ZBTB8A: variants seen among roughly 807,000 people sequenced by gnomAD.
The protein encoded by ZBTB8A is zinc finger and BTB domain containing 8A.
ZBTB8A carries 19 observed loss-of-function variants against 37.8 expected under a neutral mutation model. That is an observed-to-expected ratio of 0.50 (90% CI 0.35 to 0.74). ZBTB8A has a LOEUF of 0.74. Ranked by LOEUF, ZBTB8A falls within the 30% of genes least tolerant of loss-of-function variation. The pLI is 0.01. For missense variants in ZBTB8A, 394 were observed against 537.8 expected, an observed-to-expected ratio of 0.73 and a Z score of 2.65; for synonymous variants, 181 against 185.2, an observed-to-expected ratio of 0.98 and a Z score of 0.19.
rs1174885227 is a variant in ZBTB8A at position 32,604,052 on chromosome 1, T to G, written c.*3633T>G. ...TATAATCTGTTTAAATAAGCTTTATTTATGCCAAGGATTTTTTTTTTAATA... is the reference window on the plus strand; with the variant it reads ...TATAATCTGTTTAAATAAGCTTTATGTATGCCAAGGATTTTTTTTTTAATA... On this transcript the variant is annotated 3_prime_UTR_variant, in exon 5 of 5. Transcript: ENST00000373510. 4 of 152,092 alleles carry G rather than the reference T, an allele frequency of 2.6e-5. No individual in the cohort carries two copies. Among genetic ancestry groups the G allele is most frequent in the African/African-American group, 9.7e-5 (4 of 41,356 alleles). The allele number at this position is 152,092 out of a possible 1,614,324, so 9.4% of individuals were successfully genotyped here. A position where few individuals can be genotyped will look rare whatever the true frequency, so the allele number is the denominator to read the frequency against.
At chr1:32,584,534 TAG>T (rs1323997592) in intron 2 of ZBTB8A, among the ~76,000 whole-genome samples, 1 of 142,786 alleles carries the variant, frequency 7.0e-6, no homozygotes, top group African/African-American at 2.6e-5. Context: ...TTTTTTGAGA[TAG>T]AGTCTGTCAT....
chr1:32,543,521 C>T (rs1185682190), intron 1 of ZBTB8A, among the ~76,000 whole-genome samples: 2 of 152,124 alleles, frequency 1.3e-5, no homozygotes, highest in Non-Finnish European at 2.9e-5. Flanking sequence ...TAAAGAAACC[C>T]CATGCCTGTT....
chr1:32,544,660 G>C (rs1374346941), intron 1 of ZBTB8A, among the ~76,000 whole-genome samples: 1 of 152,210 alleles, frequency 6.6e-6, no homozygotes, highest in Non-Finnish European at 1.5e-5. Flanking sequence ...TGGTGCTACT[G>C]CACTCCAGCC....
At chr1:32,564,265 C>T (rs1644263789) in intron 2 of ZBTB8A, among the ~76,000 whole-genome samples, 1 of 152,118 alleles carries the variant, frequency 6.6e-6, no homozygotes, top group Admixed American at 6.6e-5. Flanking sequence ...GGTATTTTAC[C>T]ATTTTTACTC....
chr1:32,562,510 A>T (rs1644251131), intron 2 of ZBTB8A, among the ~76,000 whole-genome samples: 1 of 146,668 alleles, frequency 6.8e-6, no homozygotes, highest in Non-Finnish European at 1.5e-5. Context: ...ACCTCAGGTG[A>T]TCCGCCTGCC....
chr1:32,573,567 G>A (rs927072808), intron 2 of ZBTB8A, among the ~76,000 whole-genome samples: 2 of 149,606 alleles, frequency 1.3e-5, no homozygotes, highest in Non-Finnish European at 3.0e-5. Context: ...CAAATAGCTG[G>A]GACTACAGGC....
chr1:32,593,018 A>T lies in ZBTB8A; in HGVS notation c.87A>T (p.Leu29=). ...ATGTATTTTGTGACTGCAGTATTCT[A>T]GTTGAAGGGAAGGTCTTCAAAGCAC... ...RQDVFCDCSI[L]VEGKVFKAHR... The change falls in exon 3 of 5, where the codon CTA becomes CTT. Residue 29 remains leucine (L), a synonymous_variant. Coordinates refer to ENST00000373510, the MANE Select transcript of ZBTB8A (RefSeq NM_001040441.3). 1.2e-6 allele frequency: 2 copies of T among 1,614,226 alleles called. No homozygotes were observed. The highest frequency in any genetic ancestry group is 1.1e-5 in the South Asian group (1 of 91,088).
chr1:32,590,122 G>T lies in ZBTB8A; in HGVS notation c.-1-2809G>T, dbSNP rs545071090. On this transcript the variant is annotated intron_variant, in intron 2 of 4. Coordinates refer to ENST00000373510, the MANE Select transcript of ZBTB8A (RefSeq NM_001040441.3). ...ATTATTTATTTATTTTTATAGAGAT[G>T]GGGATCTTACCATGTTGCCCAGGCT... is the stretch of plus-strand genomic sequence containing the variant. Among the ~76,000 whole-genome samples the T allele has an allele frequency of 3.3e-5, 5 of 151,052 alleles. No homozygotes were observed. The South Asian group carries it at 1.1e-3, about 32-fold the overall frequency.
intron 4 of ZBTB8A, among the ~76,000 whole-genome samples, chr1:32,595,850 G>T (rs1037236829): frequency 2.0e-5 from 3 of 151,586 alleles, no homozygotes; most frequent in Admixed American, 2.0e-4. Context: ...TAGAGATGGG[G>T]TTTCATCATG....
At chr1:32,548,650 A>C (rs980841515) in intron 1 of ZBTB8A, among the ~76,000 whole-genome samples, 6 of 152,194 alleles carry the variant, frequency 3.9e-5, no homozygotes, top group African/African-American at 1.4e-4. Context: ...TGTATAAGAC[A>C]AGAAAATGTG....
chr1:32,565,457 C>T (rs958189830), intron 2 of ZBTB8A, among the ~76,000 whole-genome samples: 2 of 152,008 alleles, frequency 1.3e-5, no homozygotes, highest in African/African-American at 4.8e-5. Flanking sequence ...AGTTAAAGAT[C>T]AACCTGAGCA....
chr1:32,570,902 G>GTC (rs1644317953), intron 2 of ZBTB8A, among the ~76,000 whole-genome samples: 3 of 149,866 alleles, frequency 2.0e-5, no homozygotes, highest in Admixed American at 6.7e-5. Context: ...TTAAGACTGA[G>GTC]TCTCGCTCTG....
At chr1:32,580,916 C>G (rs1259873583) in intron 2 of ZBTB8A, among the ~76,000 whole-genome samples, 1 of 150,990 alleles carries the variant, frequency 6.6e-6, no homozygotes, top group Non-Finnish European at 1.5e-5. Flanking sequence ...GGAGCCCACT[C>G]CCATGCTAAC....
rs59632854 is a variant in ZBTB8A, at chr1:32,575,447, A to G, written c.-1-17484A>G. ...TCACCATGCTGGCCAGGCTGGTCTC[A>G]AACTCCTGACTTCATGATCTGCCCG... is the stretch of plus-strand genomic sequence containing the variant. On this transcript the variant is annotated intron_variant, in intron 2 of 4. Coordinates refer to ENST00000373510, the MANE Select transcript of ZBTB8A (RefSeq NM_001040441.3). Among the ~76,000 whole-genome samples the G allele has an allele frequency of 5.0e-3, 763 of 151,374 alleles. 9 individuals carry two copies. Among genetic ancestry groups the G allele is most frequent in the East Asian group, 0.044 (222 of 5,098 alleles).
Position 32,601,387 on chromosome 1 carries a change from T to A in ZBTB8A, c.*968T>A. ...TACTCGGGAGGCTGAGGCAGGAGAA[T>A]CGATTGAACCTGGAAGGCAGAAGTT... On this transcript the variant is annotated 3_prime_UTR_variant, in exon 5 of 5. Transcript: ENST00000373510. 3.2e-6 allele frequency: 1 copy of A among 313,198 alleles called. No individual in the cohort carries two copies. The highest frequency in any genetic ancestry group is 5.8e-6 in the Non-Finnish European group (1 of 173,214). The allele number at this position is 313,198 out of a possible 1,614,324, so 19.4% of individuals were successfully genotyped here.
chr1:32,560,129 A>T (rs1415090791), intron 2 of ZBTB8A, among the ~76,000 whole-genome samples: 1 of 152,038 alleles, frequency 6.6e-6, no homozygotes, highest in African/African-American at 2.4e-5. Flanking sequence ...ATTTTCACAC[A>T]ACCAGATCTC....
chr1:32,590,967 C>T (rs577496168), intron 2 of ZBTB8A, among the ~76,000 whole-genome samples: 9 of 151,738 alleles, frequency 5.9e-5, no homozygotes, highest in African/African-American at 1.5e-4. Context: ...AATCTCAACT[C>T]GCTGCAACCT....
At chr1:32,575,226 C>CCTTTTTTTT (rs1644350697) in intron 2 of ZBTB8A, among the ~76,000 whole-genome samples, 1 of 101,020 alleles carries the variant, frequency 9.9e-6, no homozygotes, top group African/African-American at 4.1e-5. Context: ...CTTTTCTTTC[C>CCTTTTTTTT]TTTTTTTTTT....
chr1:32,603,430 A>C lies in ZBTB8A; in HGVS notation c.*3011A>C, dbSNP rs1402681993. 6.6e-6 allele frequency: 1 copy of C among 152,088 alleles called. No homozygotes were observed. The highest frequency in any genetic ancestry group is 2.4e-5 in the African/African-American group (1 of 41,450). The allele number at this position is 152,088 out of a possible 1,614,324, so 9.4% of individuals were successfully genotyped here. On this transcript the variant is annotated 3_prime_UTR_variant, in exon 5 of 5. Transcript: ENST00000373510. ...GGCGTGAGCCAGCACGCCCGGCCTA[A>C]ATCAGGATTCTTAACAATTAAAGTG...
Sources: allele counts gnomAD v4.1 joint callset (sites outside exome capture counted in the v4.1 genomes callset), GRCh38; gene constraint gnomAD v4.1.1; transcripts MANE v1.5; gene names NCBI Gene and HGNC (gene_info 2026-07-23, HGNC 2026-07-21).